Variants in SAFB observed in about 807,000 individuals in gnomAD.
SAFB encodes the protein scaffold attachment factor B.
A neutral mutation model predicts 101.6 loss-of-function variants in SAFB; 15 were observed. The observed-to-expected ratio is 0.15, with a 90% CI of 0.10 to 0.23. The LOEUF (loss-of-function observed/expected upper bound fraction) is 0.23, where lower values mean the gene tolerates loss of function less well. SAFB is among the 10% of genes least tolerant of loss of function. The probability of loss-of-function intolerance (pLI) is 1.00; values close to 1 mark genes in which losing one functional copy is unlikely to be tolerated. For synonymous variants in SAFB, 449 were observed against 407.5 expected (o/e 1.10, Z -1.23); for missense variants, 930 against 1,104.1 (o/e 0.84, Z 2.23).
Position 5,648,009 on chromosome 19 carries a change from C to G in SAFB, c.610-7C>G. On this transcript the variant is annotated splice_polypyrimidine_tract_variant and splice_region_variant and intron_variant, in intron 5 of 20. Coordinates refer to ENST00000588852, the MANE Select transcript of SAFB (RefSeq NM_001201338.2). The stretch of plus-strand genomic sequence containing the variant: ...TGGCACAGTCTTATTTACGTTTTTT[C>G]TTGCAGGAAATTGAAGAGCCATCCC... 6.2e-7 allele frequency: 1 copy of G among 1,612,680 alleles called. No individual in the cohort carries two copies. Among genetic ancestry groups the G allele is most frequent in the Non-Finnish European group, 8.5e-7 (1 of 1,179,006 alleles).
chr19:5,661,743 C>A lies in SAFB; in HGVS notation c.2088C>A (p.Arg696=), dbSNP rs764569119. 1.3e-6 allele frequency: 2 copies of A among 1,588,254 alleles called. No homozygotes were observed. The highest frequency in any genetic ancestry group is 1.8e-5 in the Admixed American group (1 of 55,386). ...ACCGTGAGCGCGAGGAGCTGAGGCG[C>A]CAGCAGGAACTGCGCTATGAGCAGG... ...RIHREREELR[R]QQELRYEQER... Residue 696 remains arginine, a synonymous_variant, in exon 15 of 21, where the codon CGC becomes CGA. Coordinates refer to ENST00000588852, the MANE Select transcript of SAFB (RefSeq NM_001201338.2).
intron 5 of SAFB, among the ~76,000 whole-genome samples, chr19:5,645,875 G>T (rs1321436018): frequency 6.6e-6 from 1 of 151,986 alleles, no homozygotes; most frequent in African/African-American, 2.4e-5. Flanking sequence ...AGTTTTTTTT[G>T]TTTTGTTTTG....
chr19:5,660,620 A>G (rs1005749645), intron 14 of SAFB, among the ~76,000 whole-genome samples: 1 of 149,132 alleles, frequency 6.7e-6, no homozygotes, highest in Admixed American at 6.8e-5. Flanking sequence ...GTTCATGCCT[A>G]TAATCCCAGC....
Position 5,631,008 on chromosome 19 carries a change from A to C in SAFB, c.274+4519A>C, listed in dbSNP as rs958301584. Among the ~76,000 whole-genome samples the C allele has an allele frequency of 1.4e-4, 22 of 151,968 alleles. No homozygotes were observed. The East Asian group carries it at 1.9e-3, about 13-fold the overall frequency. On this transcript the variant is annotated intron_variant, in intron 2 of 20. Coordinates refer to ENST00000588852, the MANE Select transcript of SAFB (RefSeq NM_001201338.2). The stretch of plus-strand genomic sequence containing the variant: ...GGAGTTCGAGACCAGCCTGGCCAAC[A>C]TGGTGAAACCCCGTCTACTAAAAAT...
chr19:5,651,752 G>T (rs776321695), intron 9 of SAFB, among the ~76,000 whole-genome samples: 12 of 152,184 alleles, frequency 7.9e-5, no homozygotes, highest in Non-Finnish European at 1.5e-4. Flanking sequence ...ACAGCCTCCT[G>T]CATTCAGGGC....
At chr19:5,656,915 C>T (rs1231313967) in intron 13 of SAFB, among the ~76,000 whole-genome samples, 3 of 152,004 alleles carry the variant, frequency 2.0e-5, no homozygotes, top group East Asian at 1.9e-4. Flanking sequence ...GGACTACAAG[C>T]TCCCACCACT....
chr19:5,667,616 A>G lies in SAFB; in HGVS notation c.2557+166A>G. The G allele has an allele frequency of 1.4e-6, 1 of 701,878 alleles. No individual in the cohort carries two copies. Among genetic ancestry groups the G allele is most frequent in the Non-Finnish European group, 2.4e-6 (1 of 410,830 alleles). The allele number at this position is 701,878 out of a possible 1,614,324, so 43.5% of individuals were successfully genotyped here. ...CGCCTGCTCTCTGGTGGTCTGGCCC[A>G]GGAGTTGGACAGTGGGCGTTCCCGA... On this transcript the variant is annotated intron_variant, in intron 19 of 20. Coordinates refer to ENST00000588852, the MANE Select transcript of SAFB (RefSeq NM_001201338.2). The surrounding 1 kb of genome is among the most constrained non-coding windows in gnomAD (Gnocchi z 4.0).
At chr19:5,626,608 G>T (rs1431329906) in intron 2 of SAFB, 119 bp downstream of exon 2, 4 of 623,460 alleles carry the variant, frequency 6.4e-6, no homozygotes, top group Non-Finnish European at 1.1e-5. Context: ...TGAACTGGGA[G>T]CCTTCAGCGA....
intron 1 of SAFB, among the ~76,000 whole-genome samples, chr19:5,625,380 T>A (rs975103079): frequency 6.6e-6 from 1 of 152,210 alleles, no homozygotes; most frequent in African/African-American, 2.4e-5. Context: ...GGAAAGAACT[T>A]CAGTCCCTTT....
intron 1 of SAFB, among the ~76,000 whole-genome samples, chr19:5,626,149 T>C (rs2053354238): frequency 6.6e-6 from 1 of 152,158 alleles, no homozygotes; most frequent in African/African-American, 2.4e-5. Context: ...ATTAGCCGCA[T>C]GTTCCAGAGG....
intron 2 of SAFB, among the ~76,000 whole-genome samples, chr19:5,638,988 A>G (rs923342907): frequency 2.0e-5 from 3 of 151,876 alleles, no homozygotes; most frequent in Admixed American, 1.3e-4. Context: ...TGGCCTCCCA[A>G]AGTGGTGGGA....
intron 8 of SAFB, 138 bp downstream of exon 8, chr19:5,650,113 T>C (rs2053904708): frequency 3.0e-6 from 2 of 677,750 alleles, no homozygotes; most frequent in South Asian, 3.4e-5. Context: ...TCTCCTTCTC[T>C]GCTGTTACCG....
intron 17 of SAFB, chr19:5,664,736 G>A (rs1199960071): frequency 2.7e-6 from 1 of 372,976 alleles, no homozygotes; most frequent in Non-Finnish European, 5.1e-6. Flanking sequence ...ATGTGACCTG[G>A]CTCTGCTGGG....
rs553352769 is a variant in SAFB at position 5,667,142 on chromosome 19, C to T, written c.2431C>T (p.Arg811Trp). The change falls in exon 18 of 21, where the codon CGG becomes TGG. Residue 811 changes from arginine (R) to tryptophan (W), a missense_variant. By Grantham distance (101) the Arg-to-Trp change is moderately radical. Around this residue, in one of 7 missense-constraint regions of SAFB, gnomAD observed 318 missense variants for 342.6 expected, o/e 0.93. Coordinates refer to ENST00000588852, the MANE Select transcript of SAFB (RefSeq NM_001201338.2). This position sits in a 1 kb window ranked among gnomAD's most constrained non-coding sequence, Gnocchi z 4.0. ...CTCTGACAAGAGGATGAGCGAGGGC[C>T]GGGGGCTGCCTCCTCCCCCCAGGTT... ...YGSDKRMSEG[R>W]GLPPPPRGRR... 4.4e-6 allele frequency: 7 copies of T among 1,603,192 alleles called. No individual in the cohort carries two copies. The highest frequency in any genetic ancestry group is 2.2e-5 in the East Asian group (1 of 44,814).
chr19:5,657,817 A>T (rs1207651673), intron 14 of SAFB, among the ~76,000 whole-genome samples: 1 of 151,074 alleles, frequency 6.6e-6, no homozygotes, highest in Non-Finnish European at 1.5e-5. Flanking sequence ...GAGCCACTGC[A>T]CCCGGCCTAC....
In SAFB at chr19:5,661,340, TC is replaced by T. The variant is rs1441585695; in HGVS notation, c.1863-176del. ...AGCCTGGGCCTCACTCCTGAGATCT[TC>T]CTGGGCTGCTCCTGTGGGCCCGAGA... On this transcript the variant is annotated intron_variant, in intron 14 of 20. Transcript: ENST00000588852. 85 of 1,118,946 alleles carry T rather than the reference TC, an allele frequency of 7.6e-5. 3 individuals are homozygous for T. In the Middle Eastern group the frequency reaches 1.2e-3, roughly 16 times the overall value. The allele number at this position is 1,118,946 out of a possible 1,614,324, so 69.3% of individuals were successfully genotyped here. A position where few individuals can be genotyped will look rare whatever the true frequency, so the allele number is the denominator to read the frequency against.
chr19:5,642,479 AAC>A (rs896048568), intron 4 of SAFB, among the ~76,000 whole-genome samples: 41 of 152,124 alleles, frequency 2.7e-4, no homozygotes, highest in African/African-American at 8.9e-4. Context: ...CAAAAAAAAA[AAC>A]ACAGCCAGTT....
At chr19:5,658,735 C>T (rs531387960) in intron 14 of SAFB, among the ~76,000 whole-genome samples, 5 of 151,466 alleles carry the variant, frequency 3.3e-5, no homozygotes, top group South Asian at 2.1e-4. Context: ...CCCAGCTACT[C>T]GGTAGGCTGA....
intron 2 of SAFB, 54 bp from the exon 3 acceptor site, chr19:5,641,540 C>T (rs1568258992): frequency 6.8e-7 from 1 of 1,470,364 alleles, no homozygotes; most frequent in Non-Finnish European, 9.4e-7. Context: ...GGCATTGTTG[C>T]TTCTGTAAAG....
Sources: gnomAD v4.1 joint callset for allele counts (sites outside exome capture counted in the v4.1 genomes callset) on GRCh38, gnomAD v4.1.1 for gene constraint, gnomAD v4.1.1 regional missense constraint, Gnocchi (gnomAD v3.1) non-coding constraint, MANE v1.5 for transcripts, NCBI Gene and HGNC (gene_info 2026-07-23, HGNC 2026-07-21) for gene names.